The following ATG10 variants were observed in gnomAD, a reference collection of about 807,000 sequenced individuals.
ATG10 encodes autophagy related 10.
A neutral mutation model predicts 32.1 loss-of-function variants in ATG10; 30 were observed. The observed-to-expected ratio is 0.94, with a 90% confidence interval of 0.70 to 1.27. The LOEUF (loss-of-function observed/expected upper bound fraction) is 1.27. ATG10 is among the 50% of genes most tolerant of loss of function. The probability of loss-of-function intolerance (pLI) is 0.00; values close to 1 mark genes in which losing one functional copy is unlikely to be tolerated. For synonymous variants in ATG10, 87 were observed against 91.5 expected (o/e 0.95, Z 0.28); for missense variants, 233 against 262.3 (o/e 0.89, Z 0.77).
At chr5:82,162,835 C>CG (rs2149898050) in intron 3 of ATG10, among the ~76,000 whole-genome samples, 1 of 3,514 alleles carries the variant, frequency 2.8e-4, no homozygotes, top group Non-Finnish European at 5.5e-4. Context: ...TAAGCAGGGG[C>CG]GGGGGTGGGG....
intron 3 of ATG10, among the ~76,000 whole-genome samples, chr5:82,100,062 G>A (rs1263194935): frequency 2.3e-5 from 3 of 129,696 alleles, no homozygotes; most frequent in African/African-American, 8.8e-5. Context: ...AGGCTGGAGT[G>A]CAGTGGTGTG....
At chr5:82,078,292 C>T (rs1379668705) in intron 3 of ATG10, 1 of 152,068 alleles carries the variant, frequency 6.6e-6, no homozygotes, top group African/African-American at 2.4e-5. Context: ...GATTATTTTA[C>T]CTGATTGGAG....
At chr5:82,086,988 A>G (rs1764717230) in intron 3 of ATG10, among the ~76,000 whole-genome samples, 1 of 152,190 alleles carries the variant, frequency 6.6e-6, no homozygotes, top group South Asian at 2.1e-4. Context: ...TACAATGAGA[A>G]AAATGTCTTT....
chr5:82,196,056 T>C (rs1049497838), intron 5 of ATG10, among the ~76,000 whole-genome samples: 14 of 152,178 alleles, frequency 9.2e-5, no homozygotes, highest in African/African-American at 3.4e-4. Flanking sequence ...CCACTTGGCA[T>C]TATCTTTCTT....
chr5:82,100,772 G>GTTTTT (rs61096885), intron 3 of ATG10, among the ~76,000 whole-genome samples: 2 of 113,974 alleles, frequency 1.8e-5, no homozygotes, highest in Admixed American at 9.4e-5. Context: ...ACAAGAACTA[G>GTTTTT]TTTTTTTTTT....
At chr5:82,083,517 C>T (rs528985762) in intron 3 of ATG10, among the ~76,000 whole-genome samples, 6 of 152,298 alleles carry the variant, frequency 3.9e-5, no homozygotes, top group South Asian at 4.1e-4. Flanking sequence ...GATCTGAGAA[C>T]GGACAGACTG....
intron 1 of ATG10, among the ~76,000 whole-genome samples, chr5:81,980,207 T>C (rs918754100): frequency 7.9e-5 from 12 of 152,322 alleles, no homozygotes; most frequent in Non-Finnish European, 1.5e-4. Flanking sequence ...GGTCTTTCCC[T>C]TTCTCTTTTT....
chr5:82,116,876 G>C (rs1765831883), intron 3 of ATG10, among the ~76,000 whole-genome samples: 1 of 151,898 alleles, frequency 6.6e-6, no homozygotes, highest in African/African-American at 2.4e-5. Context: ...ATTTTCTTGG[G>C]CTATTGGAAT....
chr5:82,092,451 C>T (rs1319473063), intron 3 of ATG10, among the ~76,000 whole-genome samples: 1 of 152,160 alleles, frequency 6.6e-6, no homozygotes, highest in Non-Finnish European at 1.5e-5. Context: ...TAATGGCTTG[C>T]AGCAACGTGG....
rs1250808426 is a variant in ATG10 at position 82,122,063 on chromosome 5, G to A, written c.217-42336G>A. Among the ~76,000 whole-genome samples, 3 of 151,558 alleles carry A rather than the reference G, an allele frequency of 2.0e-5. No homozygotes were observed. The East Asian group carries it at 5.8e-4, about 29-fold the overall frequency. On this transcript the variant is annotated intron_variant, in intron 3 of 7. Coordinates refer to ENST00000282185, the MANE Select transcript of ATG10 (RefSeq NM_031482.5). ...TTTAAGAGTAGTTTCAGTAGGAATG[G>A]TACCACATCTTCTTTGTACACCTGG...
intron 4 of ATG10, among the ~76,000 whole-genome samples, chr5:82,174,042 A>G (rs1743910487): frequency 6.6e-6 from 1 of 152,174 alleles, no homozygotes; most frequent in South Asian, 2.1e-4. Flanking sequence ...GGATTTCTCA[A>G]GTATCCATTT....
At chr5:82,162,686 A>G (rs773365048) in intron 3 of ATG10, among the ~76,000 whole-genome samples, 7 of 152,178 alleles carry the variant, frequency 4.6e-5, no homozygotes, top group Non-Finnish European at 8.8e-5. Flanking sequence ...CACAACAGCA[A>G]CTATGGTGTG....
At chr5:82,149,670 C>G (rs1416228747) in intron 3 of ATG10, among the ~76,000 whole-genome samples, 1 of 151,324 alleles carries the variant, frequency 6.6e-6, no homozygotes, top group Non-Finnish European at 1.5e-5. Context: ...CCTACACTGA[C>G]AGTTTGAAAA....
At chr5:82,222,988 G>A (rs72778513) in intron 5 of ATG10, among the ~76,000 whole-genome samples, 8,553 of 152,286 alleles carry the variant, frequency 0.056, 321 homozygotes, top group Non-Finnish European at 0.079. Flanking sequence ...TAAGCAAGTT[G>A]GTAGGTTGGA....
intron 5 of ATG10, among the ~76,000 whole-genome samples, chr5:82,209,765 A>G (rs1005697106): frequency 6.6e-6 from 1 of 152,024 alleles, no homozygotes; most frequent in Non-Finnish European, 1.5e-5. Flanking sequence ...TTTTCTTTAA[A>G]TAGATTGCTT....
chr5:81,984,915 T>A (rs1320344665), intron 1 of ATG10, among the ~76,000 whole-genome samples: 1 of 152,252 alleles, frequency 6.6e-6, no homozygotes, highest in African/African-American at 2.4e-5. Flanking sequence ...TAATATACCA[T>A]ACTTCCTAAT....
At chr5:82,001,180 A>G (rs1761836898) in intron 2 of ATG10, among the ~76,000 whole-genome samples, 1 of 152,224 alleles carries the variant, frequency 6.6e-6, no homozygotes, top group South Asian at 2.1e-4. Context: ...ATAGGAAGAA[A>G]TAACATTGTT....
intron 3 of ATG10, among the ~76,000 whole-genome samples, chr5:82,084,131 C>T (rs1764583099): frequency 6.6e-6 from 1 of 152,100 alleles, no homozygotes; most frequent in African/African-American, 2.4e-5. Context: ...GTAGAGAAAT[C>T]CTTAAATGAC....
At chr5:81,993,378 CTT>C (rs1252299756) in intron 2 of ATG10, among the ~76,000 whole-genome samples, 89 of 44,234 alleles carry the variant, frequency 2.0e-3, no homozygotes, top group African/African-American at 6.2e-3. Context: ...CTTTTCTTTT[CTT>C]TTCTTTTCTT....
Sources: allele counts gnomAD v4.1 joint callset (sites outside exome capture counted in the v4.1 genomes callset), GRCh38; gene constraint gnomAD v4.1.1; transcripts MANE v1.5; gene names NCBI Gene and HGNC (gene_info 2026-07-23, HGNC 2026-07-21).